Variants in ADCY5 observed in about 807,000 individuals in gnomAD.
ADCY5 encodes the protein adenylate cyclase type 5.
In ADCY5, 30 loss-of-function variants were observed where a neutral mutation model predicts 119.7. That is an observed-to-expected ratio of 0.25 (90% CI 0.19 to 0.34). ADCY5 has a LOEUF of 0.34. Among genes scored for constraint, ADCY5 ranks in the 10% least tolerant of loss-of-function variants. The pLI, the probability that ADCY5 is intolerant of heterozygous loss-of-function variation, is 1.00. For synonymous variants in ADCY5, 753 were observed against 762.2 expected (o/e 0.99, Z 0.20); for missense variants, 1,324 against 1,775.2 (o/e 0.75, Z 4.57).
In ADCY5 at chr3:123,436,956, T is replaced by G. The variant is rs531374362; in HGVS notation, c.1134+10456A>C. Among the ~76,000 whole-genome samples, 10 of 152,218 alleles carry G rather than the reference T, an allele frequency of 6.6e-5. No homozygotes were observed. In the East Asian group the frequency reaches 1.9e-3, roughly 29 times the overall value. On this transcript the variant is annotated intron_variant, in intron 1 of 20. Coordinates refer to ENST00000462833, the MANE Select transcript of ADCY5 (RefSeq NM_183357.3). Reference sequence around the variant, plus strand: ...GTCAGACCTGGGTTAGAATGCAGGCTTCTCCACTTTCTGTTTGGATTCTCC... The same window carrying G: ...GTCAGACCTGGGTTAGAATGCAGGCGTCTCCACTTTCTGTTTGGATTCTCC...
At chr3:123,296,359 G>T in intron 16 of ADCY5, 143 bp from the exon 17 acceptor site, 1 of 995,144 alleles carries the variant, frequency 1.0e-6, no homozygotes, top group Non-Finnish European at 1.4e-6. Flanking sequence ...CTCAAACTTT[G>T]CCGCACGCGT....
At chr3:123,423,271 G>A (rs1031134453) in intron 1 of ADCY5, among the ~76,000 whole-genome samples, 1 of 152,230 alleles carries the variant, frequency 6.6e-6, no homozygotes, top group African/African-American at 2.4e-5. Context: ...TATCAGGCTT[G>A]TGGAATCCTG....
rs1360601239 is a variant in ADCY5, at chr3:123,282,650, G to A, written c.*1958C>T. 2 of 151,472 alleles carry A rather than the reference G, an allele frequency of 1.3e-5. No individual in the cohort carries two copies. Among genetic ancestry groups the A allele is most frequent in the African/African-American group, 2.4e-5 (1 of 41,370 alleles). The allele number at this position is 151,472 out of a possible 1,614,324, so 9.4% of individuals were successfully genotyped here. A position where few individuals can be genotyped will look rare whatever the true frequency, so the allele number is the denominator to read the frequency against. The stretch of plus-strand genomic sequence containing the variant: ...AGAAAGCAGGCCTCCTGTGGCCGAC[G>A]TCAGGATGGCAATGCAGAACTCAAA... On this transcript the variant is annotated 3_prime_UTR_variant, in exon 21 of 21. Coordinates refer to ENST00000462833, the MANE Select transcript of ADCY5 (RefSeq NM_183357.3).
intron 7 of ADCY5, 64 bp from the exon 8 acceptor site, chr3:123,325,526 C>A: frequency 6.3e-7 from 1 of 1,599,836 alleles, no homozygotes; most frequent in Non-Finnish European, 8.6e-7. Context: ...CTCACCCTTC[C>A]CCAAACATCG....
intron 1 of ADCY5, among the ~76,000 whole-genome samples, chr3:123,365,419 A>C (rs1943397319): frequency 6.6e-6 from 1 of 152,220 alleles, no homozygotes; most frequent in East Asian, 1.9e-4. Context: ...GAGAGACTAA[A>C]AGAGGGCTGT....
In ADCY5 at chr3:123,448,958, G is replaced by C. The variant is rs891005935; in HGVS notation, c.-413C>G. The C allele has an allele frequency of 6.0e-6, 1 of 167,350 alleles. No homozygotes were observed. Among genetic ancestry groups the C allele is most frequent in the African/African-American group, 2.4e-5 (1 of 42,094 alleles). 10.4% of individuals were successfully genotyped at this position (167,350 alleles called of 1,614,324 possible). On this transcript the variant is annotated 5_prime_UTR_variant, in exon 1 of 21. Transcript: ENST00000462833. ...CTCCTCGGGCCGGCAGTGCCCGGGC[G>C]CGGCGCTCGCTGATTCCGCCTAAGC...
At chr3:123,342,085 C>T (rs1000921771) in intron 3 of ADCY5, among the ~76,000 whole-genome samples, 5 of 152,114 alleles carry the variant, frequency 3.3e-5, no homozygotes, top group African/African-American at 7.2e-5. Flanking sequence ...TATGAACCAT[C>T]GTGGCCGGCC....
At chr3:123,431,890 C>T (rs1344828276) in intron 1 of ADCY5, among the ~76,000 whole-genome samples, 1 of 152,176 alleles carries the variant, frequency 6.6e-6, no homozygotes, top group Non-Finnish European at 1.5e-5. Flanking sequence ...TCACATGACC[C>T]CTCCGCTGAT....
chr3:123,371,418 C>T (rs1469199963), intron 1 of ADCY5, among the ~76,000 whole-genome samples: 2 of 152,346 alleles, frequency 1.3e-5, no homozygotes, highest in East Asian at 3.9e-4. Context: ...AAGCAAGAAA[C>T]TGAGAGCTCC....
In ADCY5 at chr3:123,320,159, C is replaced by T. The variant is rs1473742542; in HGVS notation, c.2112-341G>A. Among the ~76,000 whole-genome samples, 5 of 152,392 alleles carry T rather than the reference C, an allele frequency of 3.3e-5. No individual in the cohort carries two copies. In the East Asian group the frequency reaches 9.6e-4, roughly 29 times the overall value. ...TTCCCTACAGCTAACAGGCTCTGCT[C>T]TTTACCCTCTAGCTCTATCCTTCTG... On this transcript the variant is annotated intron_variant, in intron 9 of 20. Coordinates refer to ENST00000462833, the MANE Select transcript of ADCY5 (RefSeq NM_183357.3).
intron 4 of ADCY5, among the ~76,000 whole-genome samples, 165 bp downstream of exon 4, chr3:123,332,399 C>T (rs1177919072): frequency 2.6e-5 from 4 of 152,276 alleles, no homozygotes; most frequent in African/African-American, 9.6e-5. Context: ...CGTGAGGACA[C>T]AGCCGCAGCC....
At chr3:123,328,560 C>A in intron 6 of ADCY5, 84 bp downstream of exon 6, 3 of 1,520,610 alleles carry the variant, frequency 2.0e-6, no homozygotes, top group South Asian at 1.2e-5. Flanking sequence ...CCTGCCCCGC[C>A]TCGCCTCTGC....
rs1207966289 is a variant in ADCY5 at position 123,284,405 on chromosome 3, CGCAGGACGCTG to C, written c.*192_*202del. 1.4e-6 allele frequency: 1 copy of C among 715,450 alleles called. No homozygotes were observed. Among genetic ancestry groups the C allele is most frequent in the Non-Finnish European group, 2.2e-6 (1 of 446,622 alleles). The allele number at this position is 715,450 out of a possible 1,614,324, so 44.3% of individuals were successfully genotyped here. ...AAACATCTTTGGTCAGCTGGGTGCT[CGCAGGACGCTG>C]GCACCCCGGGGCCTGGGACAGAGGC... On this transcript the variant is annotated 3_prime_UTR_variant, in exon 21 of 21. Coordinates refer to ENST00000462833, the MANE Select transcript of ADCY5 (RefSeq NM_183357.3).
In ADCY5 at chr3:123,448,825, T is replaced by C. The variant is rs1460882233; in HGVS notation, c.-280A>G. The C allele has an allele frequency of 8.9e-6, 3 of 337,504 alleles. No individual in the cohort carries two copies. Among genetic ancestry groups the C allele is most frequent in the Admixed American group, 4.8e-5 (1 of 20,668 alleles). 20.9% of individuals were successfully genotyped at this position (337,504 alleles called of 1,614,324 possible). A position where few individuals can be genotyped will look rare whatever the true frequency, so the allele number is the denominator to read the frequency against. On this transcript the variant is annotated 5_prime_UTR_variant, in exon 1 of 21. Coordinates refer to ENST00000462833, the MANE Select transcript of ADCY5 (RefSeq NM_183357.3). ...GGGTCGCAGGGACTGGTCTGGCTGC[T>C]GCTGCGCCGCACGCGGAGAGACGTC...
intron 1 of ADCY5, among the ~76,000 whole-genome samples, chr3:123,433,957 A>G (rs138124211): frequency 0.022 from 3,360 of 152,310 alleles, 131 homozygotes; most frequent in African/African-American, 0.075. Context: ...ACTTCAGCAC[A>G]GCACCAATGC....
At chr3:123,300,706 C>T (rs746318380) in intron 14 of ADCY5, among the ~76,000 whole-genome samples, 10 of 152,208 alleles carry the variant, frequency 6.6e-5, no homozygotes, top group Non-Finnish European at 1.5e-4. Flanking sequence ...CCAGCACCCT[C>T]AATAACCGTG....
In ADCY5 at chr3:123,397,173, T is replaced by A. The variant is rs542666989; in HGVS notation, c.1135-44592A>T. 5.6e-4 allele frequency among the ~76,000 whole-genome samples: 86 copies of A among 152,340 alleles called. 2 individuals are homozygous for A. Among genetic ancestry groups the A allele is most frequent in the African/African-American group, 2.0e-3 (84 of 41,590 alleles). On this transcript the variant is annotated intron_variant, in intron 1 of 20. Transcript: ENST00000462833. ...GGGGCCCTGCCAGCACTTGCCTCTG[T>A]GCCTCCTCTAGCTGACTTTTTCCTT...
chr3:123,347,696 T>G lies in ADCY5; in HGVS notation c.1406+86A>C, dbSNP rs1268976227. 3.5e-6 allele frequency: 5 copies of G among 1,434,962 alleles called. No individual in the cohort carries two copies. The African/African-American group carries it at 1.2e-4, about 35-fold the overall frequency. 88.9% of individuals were successfully genotyped at this position (1,434,962 alleles called of 1,614,324 possible). On this transcript the variant is annotated intron_variant, in intron 3 of 20. Coordinates refer to ENST00000462833, the MANE Select transcript of ADCY5 (RefSeq NM_183357.3). ...AAGTCACCAAGCCACCCTGTCGGGC[T>G]GTGCCCACTTGAAAGGAAGTGGGAT...
rs575504010 is a variant in ADCY5, at chr3:123,392,899, C to T, written c.1135-40318G>A. ...ATACAGCATCCACAGGAGGCCACCACTTTCTTAACTTTCCAGATTGTTCAA... is the reference window on the plus strand; with the variant it reads ...ATACAGCATCCACAGGAGGCCACCATTTTCTTAACTTTCCAGATTGTTCAA... On this transcript the variant is annotated intron_variant, in intron 1 of 20. Coordinates refer to ENST00000462833, the MANE Select transcript of ADCY5 (RefSeq NM_183357.3). Among the ~76,000 whole-genome samples, 22 of 152,248 alleles carry T rather than the reference C, an allele frequency of 1.4e-4. 1 individual carries two copies. In the South Asian group the frequency reaches 3.9e-3, roughly 27 times the overall value.
Sources: allele counts gnomAD v4.1 joint callset (sites outside exome capture counted in the v4.1 genomes callset), GRCh38; gene constraint gnomAD v4.1.1; transcripts MANE v1.5; gene names NCBI Gene and HGNC (gene_info 2026-07-23, HGNC 2026-07-21).